The following ACAN variants were observed in gnomAD, a reference collection of about 807,000 sequenced individuals.
ACAN encodes aggrecan core protein.
A neutral mutation model predicts 169.1 loss-of-function variants in ACAN; 47 were observed. That is an observed-to-expected ratio of 0.28 (90% CI 0.22 to 0.35). The LOEUF is 0.35. Ranked by LOEUF, ACAN falls within the 10% of genes least tolerant of loss-of-function variation. The probability of loss-of-function intolerance (pLI) is 1.00; values close to 1 mark genes in which losing one functional copy is unlikely to be tolerated. For synonymous variants in ACAN, 1,115 were observed against 1,112.2 expected (o/e 1.00, Z -0.05); for missense variants, 2,716 against 2,759.9 (o/e 0.98, Z 0.36).
At chr15:88,841,925 TC>T in intron 5 of ACAN, 58 bp downstream of exon 5, 1 of 1,600,872 alleles carries the variant, frequency 6.2e-7, no homozygotes. Flanking sequence ...CACCTTCCCC[TC>T]CCCATCTCCC....
chr15:88,822,457 A>G (rs959638256), intron 1 of ACAN, among the ~76,000 whole-genome samples: 3 of 147,858 alleles, frequency 2.0e-5, no homozygotes, highest in Non-Finnish European at 4.5e-5. Context: ...TGATCCAAGG[A>G]GCTAACTACA....
chr15:88,816,582 C>T (rs1895947444), intron 1 of ACAN, among the ~76,000 whole-genome samples: 1 of 152,178 alleles, frequency 6.6e-6, no homozygotes, highest in Non-Finnish European at 1.5e-5. Flanking sequence ...TGAGACATAG[C>T]TGGTAAGTGG....
intron 13 of ACAN, among the ~76,000 whole-genome samples, chr15:88,864,950 A>T (rs1897257595): frequency 6.6e-6 from 1 of 152,190 alleles, no homozygotes; most frequent in Non-Finnish European, 1.5e-5. Context: ...TTTTATGAGC[A>T]AATAAACTCT....
intron 1 of ACAN, among the ~76,000 whole-genome samples, chr15:88,806,968 A>G (rs1170998187): frequency 6.6e-6 from 1 of 152,188 alleles, no homozygotes; most frequent in South Asian, 2.1e-4. Flanking sequence ...CTATAAGGGT[A>G]TGTATGTTTA....
At chr15:88,840,949 C>G (rs1461580776) in intron 4 of ACAN, among the ~76,000 whole-genome samples, 1 of 152,120 alleles carries the variant, frequency 6.6e-6, no homozygotes, top group Non-Finnish European at 1.5e-5. Context: ...TCGAGACCAT[C>G]CTAGCTAACA....
chr15:88,806,619 GATTCA>G (rs1895689930), intron 1 of ACAN, among the ~76,000 whole-genome samples: 1 of 152,136 alleles, frequency 6.6e-6, no homozygotes, highest in African/African-American at 2.4e-5. Context: ...AAAATGCTAG[GATTCA>G]GGCGTGAGCC....
chr15:88,829,060 G>C (rs186666185), intron 1 of ACAN, among the ~76,000 whole-genome samples: 7 of 152,134 alleles, frequency 4.6e-5, no homozygotes, highest in African/African-American at 4.8e-5. Context: ...GCTGCCAACT[G>C]TCTGTTTCAC....
At chr15:88,848,722 G>A (rs1156752152) in intron 9 of ACAN, among the ~76,000 whole-genome samples, 5 of 152,204 alleles carry the variant, frequency 3.3e-5, no homozygotes, top group African/African-American at 4.8e-5. Flanking sequence ...AAATGCTGGT[G>A]TTCCAGAAAG....
chr15:88,816,998 TC>T (rs1176692185), intron 1 of ACAN, among the ~76,000 whole-genome samples: 2 of 152,184 alleles, frequency 1.3e-5, no homozygotes, highest in Non-Finnish European at 2.9e-5. Flanking sequence ...ACTGAGACTT[TC>T]CTTCCCCTTC....
In ACAN at chr15:88,839,086, A is replaced by G. The variant is rs372871927; in HGVS notation, c.454+40A>G. On this transcript the variant is annotated intron_variant, in intron 3 of 18. Coordinates refer to ENST00000560601, the MANE Select transcript of ACAN (RefSeq NM_001369268.1). This position sits in a 1 kb window ranked among gnomAD's most constrained non-coding sequence, Gnocchi z 4.5. ...CAGGGACAGACGCTGCTTCACCCACATAAAGAACCAGAGCAGTCTCCGCAG... is the reference window on the plus strand; with the variant it reads ...CAGGGACAGACGCTGCTTCACCCACGTAAAGAACCAGAGCAGTCTCCGCAG... 17 of 1,591,222 alleles carry G rather than the reference A, an allele frequency of 1.1e-5. No individual in the cohort carries two copies. The East Asian group carries it at 2.7e-4, about 25-fold the overall frequency.
chr15:88,827,308 T>G (rs900294884), intron 1 of ACAN, among the ~76,000 whole-genome samples: 4 of 152,180 alleles, frequency 2.6e-5, no homozygotes, highest in Admixed American at 6.5e-5. Context: ...CTGGGGTGAA[T>G]AGAGGAATGA....
chr15:88,858,926 C>G lies in ACAN; in HGVS notation c.6341C>G (p.Ser2114Cys). The stretch of plus-strand genomic sequence containing the variant: ...TATCCTGAAGCTGGGTTCGGGGCAT[C>G]TGCCGCCCCTGAGGCCAGCAGAGAA... ...SAYPEAGFGA[S>C]AAPEASREDS... Residue 2114 changes from serine to cysteine, a missense_variant, in exon 12 of 19, where the codon TCT (serine) becomes TGT (cysteine). By Grantham distance (112) the Ser-to-Cys change is moderately radical. Coordinates refer to ENST00000560601, the MANE Select transcript of ACAN (RefSeq NM_001369268.1). This position sits in a 1 kb window ranked among gnomAD's most constrained non-coding sequence, Gnocchi z 4.0. 1 of 1,609,340 alleles carries G rather than the reference C, an allele frequency of 6.2e-7. No homozygotes were observed. Among genetic ancestry groups the G allele is most frequent in the Non-Finnish European group, 8.5e-7 (1 of 1,176,540 alleles).
intron 1 of ACAN, among the ~76,000 whole-genome samples, chr15:88,826,374 CTTTTTTTTTT>C (rs59069149): frequency 5.0e-4 from 56 of 111,570 alleles, no homozygotes; most frequent in Non-Finnish European, 8.3e-4. Flanking sequence ...CCTTTTTTTT[CTTTTTTTTTT>C]TTTTTTTTTG....
At chr15:88,824,050 C>T (rs4332724) in intron 1 of ACAN, among the ~76,000 whole-genome samples, 35,610 of 152,008 alleles carry the variant, frequency 0.23, 5,358 homozygotes, top group Admixed American at 0.35. Flanking sequence ...CCTGGCCGGG[C>T]GCAGTGGCTC....
At chr15:88,842,787 C>T (rs1031267945) in intron 5 of ACAN, among the ~76,000 whole-genome samples, 3 of 152,186 alleles carry the variant, frequency 2.0e-5, no homozygotes, top group Non-Finnish European at 2.9e-5. Context: ...GGATGCCGTC[C>T]GCCCCCACCC....
Position 88,849,122 on chromosome 15 carries a change from G to T in ACAN, c.1733-316G>T, listed in dbSNP as rs1029607727. On this transcript the variant is annotated intron_variant, in intron 9 of 18. Coordinates refer to ENST00000560601, the MANE Select transcript of ACAN (RefSeq NM_001369268.1). This position sits in a 1 kb window ranked among gnomAD's most constrained non-coding sequence, Gnocchi z 5.1. The stretch of plus-strand genomic sequence containing the variant: ...GGGAGGGGGTGCCTAAGTGTGAGTG[G>T]AGAATCCAGAAAAGAGGGACGGAGG... 2.6e-5 allele frequency among the ~76,000 whole-genome samples: 4 copies of T among 152,236 alleles called. No homozygotes were observed. Among genetic ancestry groups the T allele is most frequent in the Non-Finnish European group, 4.4e-5 (3 of 68,046 alleles).
chr15:88,847,914 C>T lies in ACAN; in HGVS notation c.1608C>T (p.Tyr536=). The change falls in exon 9 of 19, where the codon TAC becomes TAT. Residue 536 remains tyrosine (Y), a synonymous_variant. Transcript: ENST00000560601. The stretch of plus-strand genomic sequence containing the variant: ...CTCCTCCCACTCTCCTTTGCAGATA[C>T]CCCATTGTGAGCCCCCGGACCCCAT... The part of the protein sequence containing the change: ...AGWLRDQTVR[Y]PIVSPRTPCV... The T allele has an allele frequency of 6.2e-7, 1 of 1,613,698 alleles. No individual in the cohort carries two copies. Among genetic ancestry groups the T allele is most frequent in the Non-Finnish European group, 8.5e-7 (1 of 1,179,688 alleles).
intron 5 of ACAN, 74 bp downstream of exon 5, chr15:88,841,941 G>A: frequency 1.3e-6 from 2 of 1,585,344 alleles, no homozygotes; most frequent in Non-Finnish European, 8.6e-7. Context: ...TCTCCCCACT[G>A]ACACCTGAGA....
intron 11 of ACAN, 41 bp from the exon 12 acceptor site, chr15:88,854,811 T>A (rs1268201585): frequency 7.1e-7 from 1 of 1,400,012 alleles, no homozygotes; most frequent in African/African-American, 1.5e-5. Context: ...GGGGCAGAGT[T>A]AATAAACCCA....
Sources: allele counts gnomAD v4.1 joint callset (sites outside exome capture counted in the v4.1 genomes callset), GRCh38; gene constraint gnomAD v4.1.1; non-coding constraint Gnocchi (gnomAD v3.1); transcripts MANE v1.5; gene names NCBI Gene and HGNC (gene_info 2026-07-23, HGNC 2026-07-21).